The following MCTP1 variants were observed in gnomAD, a reference collection of about 807,000 sequenced individuals.
MCTP1 encodes multiple C2 and transmembrane domain-containing protein 1.
MCTP1 carries 69 observed loss-of-function variants against 120.6 expected under a neutral mutation model. The ratio of observed to expected loss-of-function variants is 0.57; its 90% CI spans 0.47 to 0.70. MCTP1 has a LOEUF of 0.70. Among genes scored for constraint, MCTP1 ranks in the 30% least tolerant of loss-of-function variants. MCTP1 has a pLI of 0.00. For synonymous variants in MCTP1, 529 were observed against 493.1 expected (o/e 1.07, Z -0.96); for missense variants, 1,203 against 1,248.8 (o/e 0.96, Z 0.55).
At chr5:94,749,332 C>G (rs1767672822) in intron 19 of MCTP1, among the ~76,000 whole-genome samples, 1 of 152,122 alleles carries the variant, frequency 6.6e-6, no homozygotes, top group Admixed American at 6.6e-5. Context: ...GCCCTGGAAC[C>G]TACTTTTGAA....
chr5:95,125,312 A>C (rs1758542052), intron 1 of MCTP1, among the ~76,000 whole-genome samples: 1 of 152,194 alleles, frequency 6.6e-6, no homozygotes, highest in South Asian at 2.1e-4. Context: ...GTTTTGGTGG[A>C]ACAATTTTAA....
At chr5:94,885,291 T>G (rs1801017808) in intron 12 of MCTP1, among the ~76,000 whole-genome samples, 1 of 146,026 alleles carries the variant, frequency 6.8e-6, no homozygotes. Context: ...ACCTCTTCCT[T>G]AGGAGCTCAG....
intron 1 of MCTP1, among the ~76,000 whole-genome samples, chr5:95,116,947 A>C (rs926581365): frequency 1.3e-5 from 2 of 152,138 alleles, no homozygotes; most frequent in African/African-American, 2.4e-5. Flanking sequence ...TAGACAATGG[A>C]GTTTTCTAGA....
At chr5:94,729,641 T>C (rs184047968) in intron 19 of MCTP1, among the ~76,000 whole-genome samples, 9 of 152,214 alleles carry the variant, frequency 5.9e-5, no homozygotes, top group South Asian at 4.1e-4. Flanking sequence ...CAGCACAAGA[T>C]AACAATGATG....
chr5:94,826,695 G>A, intron 17 of MCTP1: 1 of 524,214 alleles, frequency 1.9e-6, no homozygotes, highest in South Asian at 2.1e-5. Flanking sequence ...CACACTCCAT[G>A]GTTCCAGCTG....
At chr5:95,145,659 TG>T (rs1432846010) in intron 1 of MCTP1, among the ~76,000 whole-genome samples, 1 of 152,208 alleles carries the variant, frequency 6.6e-6, no homozygotes, top group Non-Finnish European at 1.5e-5. Flanking sequence ...ATATGGGTTT[TG>T]TTTTTTATTC....
At chr5:94,972,057 T>G (rs1433920893) in intron 2 of MCTP1, among the ~76,000 whole-genome samples, 1 of 152,176 alleles carries the variant, frequency 6.6e-6, no homozygotes, top group Non-Finnish European at 1.5e-5. Flanking sequence ...TAGAGCCTTC[T>G]GCGTGGTCTC....
Position 95,283,858 on chromosome 5 carries a change from G to C in MCTP1, c.718C>G (p.Gln240Glu). The C allele has an allele frequency of 7.3e-7, 1 of 1,368,534 alleles. No homozygotes were observed. The highest frequency in any genetic ancestry group is 9.4e-7 in the Non-Finnish European group (1 of 1,069,378). The allele number at this position is 1,368,534 out of a possible 1,614,324, so 84.8% of individuals were successfully genotyped here. A position where few individuals can be genotyped will look rare whatever the true frequency, so the allele number is the denominator to read the frequency against. Residue 240 changes from glutamine (Q) to glutamate (E), a missense_variant and splice_region_variant, in exon 1 of 23, where the codon CAG becomes GAG. This residue lies in a region of MCTP1 where 463 missense variants were observed against 377.8 expected (regional missense o/e 1.23). Coordinates refer to ENST00000515393, the MANE Select transcript of MCTP1 (RefSeq NM_024717.7). Reference protein sequence around the residue: ...PETGEEHGSSQKIINTAGTSN... With the variant: ...PETGEEHGSSEKIINTAGTSN... The stretch of plus-strand genomic sequence containing the variant: ...CCGGCCGCGCCACCGGCACTCACCT[G>C]GCTGCTGCCGTGCTCCTCGCCCGTC...
chr5:94,793,753 C>G (rs1779441608), intron 18 of MCTP1, among the ~76,000 whole-genome samples: 1 of 152,222 alleles, frequency 6.6e-6, no homozygotes, highest in Admixed American at 6.5e-5. Flanking sequence ...TATTCCACCA[C>G]AGACTTCTTT....
At chr5:94,928,213 C>CACACACAG in intron 6 of MCTP1, among the ~76,000 whole-genome samples, 1 of 60,214 alleles carries the variant, frequency 1.7e-5, no homozygotes, top group African/African-American at 4.5e-5. Flanking sequence ...GGTTAAAACA[C>CACACACAG]ACACACACAC....
intron 2 of MCTP1, among the ~76,000 whole-genome samples, chr5:95,002,166 A>G (rs955245101): frequency 6.6e-6 from 1 of 152,236 alleles, no homozygotes; most frequent in African/African-American, 2.4e-5. Context: ...CCTAGATTTC[A>G]GAGGATGTAT....
At chr5:94,869,194 G>C (rs181332903) in intron 16 of MCTP1, among the ~76,000 whole-genome samples, 1 of 152,072 alleles carries the variant, frequency 6.6e-6, no homozygotes, top group African/African-American at 2.4e-5. Context: ...TGTATAATTT[G>C]ATGGTTCGAA....
intron 20 of MCTP1, among the ~76,000 whole-genome samples, chr5:94,713,157 C>T (rs1377026584): frequency 6.6e-6 from 1 of 151,994 alleles, no homozygotes; most frequent in East Asian, 1.9e-4. Context: ...TTAAAGATTG[C>T]TTTTGAGTCT....
chr5:94,836,179 C>CAAAAA (rs35396232), intron 17 of MCTP1, among the ~76,000 whole-genome samples: 2 of 65,962 alleles, frequency 3.0e-5, no homozygotes, highest in Non-Finnish European at 5.0e-5. Context: ...GACTCCGTCT[C>CAAAAA]AAAAAAAAAA....
In MCTP1 at chr5:95,141,738, T is replaced by C. The variant is rs986126472; in HGVS notation, c.721-124254A>G. On this transcript the variant is annotated intron_variant, in intron 1 of 22. Transcript: ENST00000515393. ...TTCCTTCCTTTCTTCTATCCTACTT[T>C]TCTTTCTTTTTTTCTGGTGTGCCAG... Among the ~76,000 whole-genome samples the C allele has an allele frequency of 3.3e-5, 5 of 152,268 alleles. 1 individual carries two copies. The highest frequency in any genetic ancestry group is 1.3e-4 in the Admixed American group (2 of 15,292).
At chr5:94,806,635 C>G (rs1032238443) in intron 17 of MCTP1, among the ~76,000 whole-genome samples, 6 of 152,050 alleles carry the variant, frequency 3.9e-5, no homozygotes, top group African/African-American at 1.4e-4. Context: ...GGGGAGCCCA[C>G]TTCAAAAAAA....
chr5:94,709,089 T>C (rs191608105), intron 21 of MCTP1: 4 of 152,274 alleles, frequency 2.6e-5, no homozygotes, highest in South Asian at 2.1e-4. Flanking sequence ...TGTTTATTTT[T>C]TTCAAACCTG....
intron 2 of MCTP1, among the ~76,000 whole-genome samples, chr5:95,014,605 A>C (rs1009107574): frequency 6.6e-6 from 1 of 152,130 alleles, no homozygotes; most frequent in Admixed American, 6.6e-5. Context: ...GATATTTACC[A>C]GTTTTTACTT....
chr5:95,048,454 T>C (rs1745102064), intron 1 of MCTP1, among the ~76,000 whole-genome samples: 1 of 152,164 alleles, frequency 6.6e-6, no homozygotes, highest in South Asian at 2.1e-4. Context: ...TGAAATGTTG[T>C]TACAGAACCT....
Sources: gnomAD v4.1 joint callset for allele counts (sites outside exome capture counted in the v4.1 genomes callset) on GRCh38, gnomAD v4.1.1 for gene constraint, gnomAD v4.1.1 regional missense constraint, MANE v1.5 for transcripts, NCBI Gene and HGNC (gene_info 2026-07-23, HGNC 2026-07-21) for gene names.